Variants in LHFPL2 observed in about 807,000 individuals in gnomAD.
LHFPL2 encodes LHFPL tetraspan subfamily member 2.
Under a neutral mutation model 17.5 loss-of-function variants are expected in LHFPL2, and 7 were observed. The observed-to-expected ratio is 0.40, with a 90% CI of 0.23 to 0.75. The LOEUF (loss-of-function observed/expected upper bound fraction) is 0.75. Among genes scored for constraint, LHFPL2 ranks in the 30% least tolerant of loss-of-function variants. LHFPL2 has a pLI of 0.37. For missense variants in LHFPL2, 241 were observed against 294.8 expected (o/e 0.82, Z 1.34); for synonymous variants, 134 against 116.2 (o/e 1.15, Z -0.99).
At chr5:78,607,404 C>T (rs559384942) in intron 2 of LHFPL2, among the ~76,000 whole-genome samples, 3 of 152,304 alleles carry the variant, frequency 2.0e-5, no homozygotes, top group East Asian at 1.9e-4. Context: ...TGAGCCACCA[C>T]GCCCAGCCAA....
At chr5:78,555,804 G>C (rs1756556308) in intron 3 of LHFPL2, among the ~76,000 whole-genome samples, 1 of 152,202 alleles carries the variant, frequency 6.6e-6, no homozygotes, top group African/African-American at 2.4e-5. Flanking sequence ...GGGAGAAAAG[G>C]GGACCAAAGA....
intron 2 of LHFPL2, among the ~76,000 whole-genome samples, chr5:78,616,409 G>A (rs1322937469): frequency 1.3e-5 from 2 of 152,090 alleles, no homozygotes; most frequent in Non-Finnish European, 2.9e-5. Context: ...TTACAGGCAT[G>A]AACCACCGCG....
intron 4 of LHFPL2, among the ~76,000 whole-genome samples, chr5:78,501,455 G>A (rs1201280450): frequency 6.6e-6 from 1 of 152,110 alleles, no homozygotes; most frequent in Non-Finnish European, 1.5e-5. Context: ...GGAGTGTAGA[G>A]GGTACCTGCG....
chr5:78,573,365 A>G (rs899977206), intron 2 of LHFPL2, among the ~76,000 whole-genome samples: 4 of 152,220 alleles, frequency 2.6e-5, no homozygotes, highest in Non-Finnish European at 1.5e-5. Context: ...ATAGGAAAAA[A>G]TACTGGTTGG....
intron 3 of LHFPL2, among the ~76,000 whole-genome samples, chr5:78,537,389 A>G (rs963163461): frequency 6.6e-6 from 1 of 150,884 alleles, no homozygotes; most frequent in Non-Finnish European, 1.5e-5. Context: ...TATTCGTGGG[A>G]AAAAAAAGAT....
At chr5:78,616,962 T>C (rs1744639116) in intron 2 of LHFPL2, among the ~76,000 whole-genome samples, 1 of 152,242 alleles carries the variant, frequency 6.6e-6, no homozygotes, top group African/African-American at 2.4e-5. Context: ...AAGGTAGGCC[T>C]CAAAATCTGA....
Position 78,624,955 on chromosome 5 carries a change from A to C in LHFPL2, c.-245+7309T>G, listed in dbSNP as rs181174474. ...GTAGCTGGGATTACAGGTGCCTGCC[A>C]CCACGCCCAGCTAATTATTGTATTT... On this transcript the variant is annotated intron_variant, in intron 2 of 4. Transcript: ENST00000380345. 10 of 152,282 alleles carry C rather than the reference A, an allele frequency of 6.6e-5. No individual in the cohort carries two copies. In the East Asian group the frequency reaches 1.9e-3, roughly 29 times the overall value. The allele number at this position is 152,282 out of a possible 1,614,324, so 9.4% of individuals were successfully genotyped here.
intron 3 of LHFPL2, among the ~76,000 whole-genome samples, chr5:78,524,074 G>A (rs1456769886): frequency 6.6e-6 from 1 of 152,140 alleles, no homozygotes; most frequent in Non-Finnish European, 1.5e-5. Context: ...ATGAGCAGAG[G>A]GGCTGAGCAC....
At chr5:78,601,852 G>A (rs1744029217) in intron 2 of LHFPL2, among the ~76,000 whole-genome samples, 1 of 152,128 alleles carries the variant, frequency 6.6e-6, no homozygotes, top group African/African-American at 2.4e-5. Context: ...ATCCTGCACT[G>A]GAAACACAGC....
intron 3 of LHFPL2, among the ~76,000 whole-genome samples, chr5:78,553,145 C>T (rs1756490671): frequency 1.3e-5 from 2 of 152,200 alleles, no homozygotes; most frequent in South Asian, 4.1e-4. Flanking sequence ...TCCTGCCTAC[C>T]TTCACAACTT....
At position 78,488,878 on chromosome 5, in the gene LHFPL2, T is replaced by G; in HGVS notation, c.*19A>C. 6.2e-7 allele frequency: 1 copy of G among 1,611,774 alleles called. No individual in the cohort carries two copies. The highest frequency in any genetic ancestry group is 8.5e-7 in the Non-Finnish European group (1 of 1,178,732). On this transcript the variant is annotated 3_prime_UTR_variant, in exon 5 of 5. Transcript: ENST00000380345. Reference sequence around the variant, plus strand: ...TCACAAGATTACTCAAGGGAGAAAATGGCATTGTCTCTTCCAAACTAAAGG... The same window carrying G: ...TCACAAGATTACTCAAGGGAGAAAAGGGCATTGTCTCTTCCAAACTAAAGG...
intron 2 of LHFPL2, among the ~76,000 whole-genome samples, chr5:78,600,018 T>C (rs1743958256): frequency 6.6e-6 from 1 of 152,074 alleles, no homozygotes; most frequent in African/African-American, 2.4e-5. Context: ...AGATTAATAA[T>C]GAACATGCAA....
chr5:78,568,401 T>C (rs964557539), intron 2 of LHFPL2, among the ~76,000 whole-genome samples: 3 of 152,182 alleles, frequency 2.0e-5, no homozygotes, highest in Admixed American at 6.5e-5. Context: ...GGAGAAACAA[T>C]AGCTGCCTTT....
rs1340480679 is a variant in LHFPL2, at chr5:78,648,741, G to C, written c.-592C>G. 1 of 152,074 alleles carries C rather than the reference G, an allele frequency of 6.6e-6. No homozygotes were observed. Among genetic ancestry groups the C allele is most frequent in the South Asian group, 2.1e-4 (1 of 4,832 alleles). The allele number at this position is 152,074 out of a possible 1,614,324, so 9.4% of individuals were successfully genotyped here. On this transcript the variant is annotated 5_prime_UTR_variant, in exon 1 of 5. Transcript: ENST00000380345. The surrounding 1 kb of genome is among the most constrained non-coding windows in gnomAD (Gnocchi z 5.4). ...GAGGCGAGAGAGCGCCAAGCTCGGC[G>C]GCCGCCCGGGCTAGCACTCGGGGAG...
At chr5:78,561,403 C>T (rs116150973) in intron 3 of LHFPL2, among the ~76,000 whole-genome samples, 189 of 152,298 alleles carry the variant, frequency 1.2e-3, no homozygotes, top group African/African-American at 4.3e-3. Context: ...TTTCACTTTG[C>T]CCCTTCGGCT....
intron 3 of LHFPL2, among the ~76,000 whole-genome samples, chr5:78,527,806 C>T (rs1313304253): frequency 6.6e-6 from 1 of 152,232 alleles, no homozygotes; most frequent in African/African-American, 2.4e-5. Flanking sequence ...TGGTCCCCAC[C>T]CTACCCCAAG....
intron 3 of LHFPL2, among the ~76,000 whole-genome samples, chr5:78,546,537 T>C (rs1355536522): frequency 6.6e-6 from 1 of 152,216 alleles, no homozygotes; most frequent in East Asian, 1.9e-4. Flanking sequence ...CTAGAAACAG[T>C]GATCAACAAA....
At chr5:78,596,098 G>A (rs1001435931) in intron 2 of LHFPL2, among the ~76,000 whole-genome samples, 9 of 152,088 alleles carry the variant, frequency 5.9e-5, no homozygotes, top group African/African-American at 1.9e-4. Flanking sequence ...GTTCTAGACC[G>A]AAGATGACAA....
chr5:78,490,766 C>CAAAAAAA (rs1754416535), intron 4 of LHFPL2, among the ~76,000 whole-genome samples: 3 of 92,750 alleles, frequency 3.2e-5, no homozygotes, highest in African/African-American at 1.2e-4. Flanking sequence ...AAAAAAAAAG[C>CAAAAAAA]AAGATACTGC....
Sources: gnomAD v4.1 joint callset for allele counts (sites outside exome capture counted in the v4.1 genomes callset) on GRCh38, gnomAD v4.1.1 for gene constraint, Gnocchi (gnomAD v3.1) non-coding constraint, MANE v1.5 for transcripts, NCBI Gene and HGNC (gene_info 2026-07-23, HGNC 2026-07-21) for gene names.